Variants in KIF20B observed in about 807,000 individuals in gnomAD.
The protein encoded by KIF20B is kinesin family member 20B.
Under a neutral mutation model 232.5 loss-of-function variants are expected in KIF20B, and 188 were observed. That is an observed-to-expected ratio of 0.81 (90% CI 0.72 to 0.91). KIF20B has a LOEUF of 0.91. Ranked by LOEUF, KIF20B falls within the 40% of genes least tolerant of loss-of-function variation. KIF20B has a pLI of 0.00. For missense variants in KIF20B, 2,154 were observed against 2,055.9 expected (o/e 1.05, Z -0.92); for synonymous variants, 712 against 683.0 (o/e 1.04, Z -0.66).
In KIF20B at chr10:89,725,298, G is replaced by GT. The variant is rs955369125; in HGVS notation, c.2001+147dup. On this transcript the variant is annotated intron_variant, in intron 15 of 32. Coordinates refer to ENST00000371728, the MANE Select transcript of KIF20B (RefSeq NM_001284259.2). ...GTGTAGCTTTATTATAATTAGGCAT[G>GT]TTTTTTTAGAAGTGTAAGGCACCAA... The GT allele has an allele frequency of 5.1e-5, 40 of 788,868 alleles. No homozygotes were observed. In the African/African-American group the frequency reaches 5.1e-4, roughly 10 times the overall value. 48.9% of individuals were successfully genotyped at this position (788,868 alleles called of 1,614,324 possible). A position where few individuals can be genotyped will look rare whatever the true frequency, so the allele number is the denominator to read the frequency against.
chr10:89,715,034 T>C lies in KIF20B; in HGVS notation c.792T>C (p.Ala264=). The C allele has an allele frequency of 1.2e-6, 2 of 1,606,582 alleles. No individual in the cohort carries two copies. The highest frequency in any genetic ancestry group is 2.2e-5 in the South Asian group (2 of 89,454). ...ATGAACAAGCCAACTTGAATATGGC[T>C]AATAGTATAAAATTTTCTGTGTGGG... ...KDYEQANLNM[A]NSIKFSVWVS... The change falls in exon 8 of 33, where the codon GCT becomes GCC. Residue 264 remains alanine (A), a synonymous_variant. Coordinates refer to ENST00000371728, the MANE Select transcript of KIF20B (RefSeq NM_001284259.2).
At chr10:89,717,224 G>A (rs1842952911) in intron 9 of KIF20B, among the ~76,000 whole-genome samples, 200 bp from the exon 10 acceptor site, 1 of 152,150 alleles carries the variant, frequency 6.6e-6, no homozygotes, top group Admixed American at 6.5e-5. Context: ...TTTAGAGCTA[G>A]GCAAAAGGTG....
At position 89,737,472 on chromosome 10, in the gene KIF20B, C is replaced by G; in HGVS notation, c.2631C>G (p.Ile877Met). 6.2e-7 allele frequency: 1 copy of G among 1,608,746 alleles called. No homozygotes were observed. Among genetic ancestry groups the G allele is most frequent in the Non-Finnish European group, 8.5e-7 (1 of 1,178,502 alleles). Reference sequence around the variant, plus strand: ...CGAACATTGCAGAAATTGAAGACATCAGAGTTTTACAAGAAAATAATGAAG... The same window carrying G: ...CGAACATTGCAGAAATTGAAGACATGAGAGTTTTACAAGAAAATAATGAAG... ...VRPNIAEIED[I>M]RVLQENNEGL... is the part of the protein sequence containing the mutation. Residue 877 changes from isoleucine to methionine, a missense_variant, in exon 20 of 33, where the codon ATC becomes ATG. Transcript: ENST00000371728.
chr10:89,769,396 G>A (rs1469125031), intron 31 of KIF20B, among the ~76,000 whole-genome samples: 1 of 151,820 alleles, frequency 6.6e-6, no homozygotes, highest in East Asian at 1.9e-4. Context: ...GCTTCAGGCC[G>A]CTAAAAGCCT....
Position 89,745,291 on chromosome 10 carries a change from G to A in KIF20B, c.4036-608G>A, listed in dbSNP as rs192918606. 2.4e-3 allele frequency among the ~76,000 whole-genome samples: 370 copies of A among 152,302 alleles called. 3 individuals are homozygous for A. The highest frequency in any genetic ancestry group is 5.6e-3 in the Admixed American group (85 of 15,308). On this transcript the variant is annotated intron_variant, in intron 22 of 32. Coordinates refer to ENST00000371728, the MANE Select transcript of KIF20B (RefSeq NM_001284259.2). ...TGTAATCCCAGCACTTTGGGAAGCC[G>A]AGGCAGACGGATCACAAGGTCAGGA...
chr10:89,726,184 C>T, intron 15 of KIF20B, 109 bp from the exon 16 acceptor site: 1 of 1,296,218 alleles, frequency 7.7e-7, no homozygotes, highest in Non-Finnish European at 9.9e-7. Context: ...TAAAGAATTT[C>T]AAGTGATGAA....
chr10:89,768,360 A>T lies in KIF20B; in HGVS notation c.5060A>T (p.Asp1687Val). 1 of 1,589,772 alleles carries T rather than the reference A, an allele frequency of 6.3e-7. No individual in the cohort carries two copies. Among genetic ancestry groups the T allele is most frequent in the Admixed American group, 1.8e-5 (1 of 56,084 alleles). The change falls in exon 30 of 33, where the codon GAT (aspartate) becomes GTT (valine). Residue 1687 changes from aspartate to valine, a missense_variant. Transcript: ENST00000371728. ...AATTTGAAATTTCCTATTTCAGATG[A>T]TAGAAATTCTTCTGTCAAAAAGGAA... is the stretch of plus-strand genomic sequence containing the variant. ...RTNLKFPISD[D>V]RNSSVKKEQK...
Position 89,719,700 on chromosome 10 carries a change from GA to G in KIF20B, c.1720del (p.Arg574GlufsTer6). 1 of 1,598,742 alleles carries G rather than the reference GA, an allele frequency of 6.3e-7. No homozygotes were observed. Among genetic ancestry groups the G allele is most frequent in the Non-Finnish European group, 8.5e-7 (1 of 1,173,544 alleles). ...ENKAFISHEE[K>X]RKLLDLIEDL... Reference sequence around the variant, plus strand: ...ATAAGGCTTTCATTAGCCACGAGGAGAAAAGAGTATGTATTAAGAACTCATA... The same window carrying G: ...ATAAGGCTTTCATTAGCCACGAGGAGAAAGAGTATGTATTAAGAACTCATA... On this transcript the variant is annotated frameshift_variant, in exon 13 of 33. Coordinates refer to ENST00000371728, the MANE Select transcript of KIF20B (RefSeq NM_001284259.2). LOFTEE classifies it high-confidence loss of function.
chr10:89,707,170 A>G (rs923055051), intron 2 of KIF20B, among the ~76,000 whole-genome samples: 4 of 152,164 alleles, frequency 2.6e-5, no homozygotes, highest in Non-Finnish European at 5.9e-5. Flanking sequence ...AAATATTTTT[A>G]GTTGCTTTAT....
At chr10:89,731,291 A>C (rs1175541560) in intron 18 of KIF20B, among the ~76,000 whole-genome samples, 5 of 152,240 alleles carry the variant, frequency 3.3e-5, no homozygotes, top group Admixed American at 3.3e-4. Flanking sequence ...ATATATTAGC[A>C]ATATTTAAGG....
intron 15 of KIF20B, 74 bp from the exon 16 acceptor site, chr10:89,726,219 T>C: frequency 1.5e-6 from 2 of 1,355,796 alleles, no homozygotes; most frequent in South Asian, 2.2e-5. Flanking sequence ...AAAAACTGTC[T>C]AAATTAGATG....
At chr10:89,710,198 T>A in intron 5 of KIF20B, 133 bp downstream of exon 5, 1 of 728,252 alleles carries the variant, frequency 1.4e-6, no homozygotes, top group Non-Finnish European at 2.1e-6. Flanking sequence ...AGTACTAGCA[T>A]ATTATTACGT....
chr10:89,747,144 A>G (rs780515354), intron 23 of KIF20B, among the ~76,000 whole-genome samples: 10 of 152,234 alleles, frequency 6.6e-5, no homozygotes, highest in African/African-American at 1.9e-4. Context: ...AATGCTCATC[A>G]TCACTGGCCA....
At chr10:89,753,789 T>G (rs1285354405) in intron 25 of KIF20B, among the ~76,000 whole-genome samples, 1 of 151,984 alleles carries the variant, frequency 6.6e-6, no homozygotes, top group Non-Finnish European at 1.5e-5. Context: ...CCCAGCTAAT[T>G]TTTTTGTATT....
At chr10:89,755,518 C>G (rs1392139838) in intron 26 of KIF20B, among the ~76,000 whole-genome samples, 1 of 141,890 alleles carries the variant, frequency 7.0e-6, no homozygotes, top group Non-Finnish European at 1.5e-5. Flanking sequence ...TTCATCCTGT[C>G]CTCCTTCTTC....
At chr10:89,733,699 AACTC>A (rs1226507207) in intron 19 of KIF20B, among the ~76,000 whole-genome samples, 1 of 152,222 alleles carries the variant, frequency 6.6e-6, no homozygotes, top group African/African-American at 2.4e-5. Context: ...TTCAAAAAGA[AACTC>A]AGCAGCTTTT....
At chr10:89,748,845 G>T (rs186332009) in intron 23 of KIF20B, among the ~76,000 whole-genome samples, 1 of 151,772 alleles carries the variant, frequency 6.6e-6, no homozygotes, top group Non-Finnish European at 1.5e-5. Context: ...TAGGCCCACC[G>T]TGACTATTTT....
chr10:89,761,788 A>G (rs900660093), intron 28 of KIF20B, among the ~76,000 whole-genome samples: 4 of 152,364 alleles, frequency 2.6e-5, no homozygotes, highest in African/African-American at 9.6e-5. Flanking sequence ...TCTTGATTGC[A>G]TGGACAAACA....
At position 89,749,630 on chromosome 10, in the gene KIF20B, A is replaced by G. The variant is rs114689888; in HGVS notation, c.4097-1716A>G. On this transcript the variant is annotated intron_variant, in intron 23 of 32. Coordinates refer to ENST00000371728, the MANE Select transcript of KIF20B (RefSeq NM_001284259.2). Reference sequence around the variant, plus strand: ...ACTTTCTGTCTGTATGAATTTGCCTATTATGGACAATTCATGTTAAGTCAG... The same window carrying G: ...ACTTTCTGTCTGTATGAATTTGCCTGTTATGGACAATTCATGTTAAGTCAG... 2.9e-3 allele frequency among the ~76,000 whole-genome samples: 440 copies of G among 152,264 alleles called. 2 individuals carry two copies. The highest frequency in any genetic ancestry group is 9.2e-3 in the African/African-American group (383 of 41,574).
Sources: allele counts gnomAD v4.1 joint callset (sites outside exome capture counted in the v4.1 genomes callset), GRCh38; gene constraint gnomAD v4.1.1; transcripts MANE v1.5; gene names NCBI Gene and HGNC (gene_info 2026-07-23, HGNC 2026-07-21).